Variants in PARP8 observed in about 807,000 individuals in gnomAD.
PARP8 encodes poly(ADP-ribose) polymerase family member 8.
A neutral mutation model predicts 124.1 loss-of-function variants in PARP8; 51 were observed. The ratio of observed to expected loss-of-function variants is 0.41; its 90% CI spans 0.33 to 0.52. PARP8 has a LOEUF of 0.52. PARP8 is among the 20% of genes least tolerant of loss of function. The pLI, the probability that PARP8 is intolerant of heterozygous loss-of-function variation, is 0.21. For synonymous variants in PARP8, 391 were observed against 361.5 expected (o/e 1.08, Z -0.93); for missense variants, 860 against 1,018.9 (o/e 0.84, Z 2.12).
chr5:50,817,245 A>G (rs1745203046), intron 15 of PARP8, among the ~76,000 whole-genome samples: 1 of 152,260 alleles, frequency 6.6e-6, no homozygotes, highest in Non-Finnish European at 1.5e-5. Flanking sequence ...CAAATTATAT[A>G]ATGATTGATA....
chr5:50,813,861 G>A (rs190171120), intron 14 of PARP8, among the ~76,000 whole-genome samples: 6 of 152,138 alleles, frequency 3.9e-5, no homozygotes, highest in East Asian at 3.9e-4. Context: ...ACAAATATAC[G>A]TATTTAGATG....
At chr5:50,765,250 G>A (rs368919355) in intron 7 of PARP8, among the ~76,000 whole-genome samples, 5 of 150,588 alleles carry the variant, frequency 3.3e-5, no homozygotes, top group African/African-American at 7.3e-5. Context: ...CAACAAGAGC[G>A]AAACTCCGTC....
chr5:50,841,475 A>T (rs1013006287), intron 25 of PARP8, among the ~76,000 whole-genome samples: 1 of 151,928 alleles, frequency 6.6e-6, no homozygotes, highest in Non-Finnish European at 1.5e-5. Context: ...GTGATAAGAA[A>T]AAAGGGCAGC....
chr5:50,778,525 G>T, intron 8 of PARP8, 35 bp from the exon 9 acceptor site: 10 of 1,465,564 alleles, frequency 6.8e-6, no homozygotes, highest in South Asian at 1.2e-5. Context: ...AACTCTAAAA[G>T]ATGATTAATT....
At chr5:50,761,287 A>C (rs1476232763) in intron 5 of PARP8, among the ~76,000 whole-genome samples, 1 of 152,110 alleles carries the variant, frequency 6.6e-6, no homozygotes, top group East Asian at 1.9e-4. Flanking sequence ...AAGCATATTA[A>C]ATTAAATACC....
At chr5:50,751,586 G>A (rs533352338) in intron 3 of PARP8, among the ~76,000 whole-genome samples, 7 of 152,168 alleles carry the variant, frequency 4.6e-5, no homozygotes, top group South Asian at 2.1e-4. Flanking sequence ...TGTCCAGTGC[G>A]CAGTATACCA....
At chr5:50,810,893 A>T (rs2149681480) in intron 14 of PARP8, among the ~76,000 whole-genome samples, 1 of 152,170 alleles carries the variant, frequency 6.6e-6, no homozygotes, top group Admixed American at 6.6e-5. Context: ...AATTAATCAC[A>T]TTATGACGTT....
chr5:50,733,947 T>G (rs962301332), intron 2 of PARP8, among the ~76,000 whole-genome samples: 2 of 152,204 alleles, frequency 1.3e-5, no homozygotes, highest in African/African-American at 4.8e-5. Context: ...AGTTGTCTTG[T>G]CTTATGTATA....
intron 2 of PARP8, among the ~76,000 whole-genome samples, chr5:50,676,835 G>C (rs971933311): frequency 6.6e-6 from 1 of 152,104 alleles, no homozygotes; most frequent in Non-Finnish European, 1.5e-5. Context: ...CACATTAGTC[G>C]GGAAGCAAAC....
intron 7 of PARP8, among the ~76,000 whole-genome samples, chr5:50,771,833 C>T (rs1032351724): frequency 9.2e-5 from 14 of 152,178 alleles, no homozygotes; most frequent in African/African-American, 3.1e-4. Flanking sequence ...AGCATATCCA[C>T]CACCACAAAC....
intron 21 of PARP8, among the ~76,000 whole-genome samples, chr5:50,828,990 A>G (rs1419468655): frequency 3.3e-5 from 5 of 152,196 alleles, no homozygotes; most frequent in Non-Finnish European, 7.3e-5. Flanking sequence ...AAACATTATC[A>G]TGCACAAAGT....
chr5:50,771,106 T>C (rs183563400), intron 7 of PARP8, among the ~76,000 whole-genome samples: 1 of 140,380 alleles, frequency 7.1e-6, no homozygotes, highest in African/African-American at 2.9e-5. Flanking sequence ...TCTCTCTCTA[T>C]ATATATATAT....
At chr5:50,763,298 T>G (rs1760742920) in intron 7 of PARP8, 56 bp downstream of exon 7, 1 of 1,390,034 alleles carries the variant, frequency 7.2e-7, no homozygotes, top group Non-Finnish European at 1.0e-6. Flanking sequence ...TCATTGAAAT[T>G]TACTTTTGGA....
Position 50,828,370 on chromosome 5 carries a change from A to G in PARP8, c.2149A>G (p.Asn717Asp). The G allele has an allele frequency of 1.9e-6, 3 of 1,612,858 alleles. No individual in the cohort carries two copies. The highest frequency in any genetic ancestry group is 1.1e-5 in the South Asian group (1 of 91,048). Residue 717 changes from asparagine (N) to aspartate (D), a missense_variant, in exon 21 of 26, where the codon AAT becomes GAT. Asn to Asp is a conservative substitution (Grantham distance 23). Transcript: ENST00000281631. ...GAGGAATGGTCTGGTTGTTGCTTCT[A>G]ATACACGATTGCAGGTAGATTTTCT... The part of the protein sequence containing the change: ...ILRNGLVVAS[N>D]TRLQLHGAMY...
chr5:50,789,073 G>C (rs1042116780), intron 10 of PARP8, among the ~76,000 whole-genome samples: 5 of 152,114 alleles, frequency 3.3e-5, no homozygotes. Context: ...ATTCCTTGGG[G>C]CCCAGAGGTG....
intron 14 of PARP8, among the ~76,000 whole-genome samples, chr5:50,804,757 A>T (rs1561406026): frequency 6.6e-6 from 1 of 152,178 alleles, no homozygotes; most frequent in Non-Finnish European, 1.5e-5. Flanking sequence ...TTTTTCAGAA[A>T]TAGAGGATTC....
At chr5:50,805,743 G>A (rs910841998) in intron 14 of PARP8, among the ~76,000 whole-genome samples, 2 of 151,966 alleles carry the variant, frequency 1.3e-5, no homozygotes, top group Non-Finnish European at 2.9e-5. Flanking sequence ...ACAATCATCT[G>A]TCAGATATTT....
At chr5:50,729,824 A>G (rs567145175) in intron 2 of PARP8, among the ~76,000 whole-genome samples, 5 of 152,160 alleles carry the variant, frequency 3.3e-5, no homozygotes, top group African/African-American at 1.2e-4. Flanking sequence ...AAAAATACTC[A>G]TTGGTTTTAA....
intron 25 of PARP8, among the ~76,000 whole-genome samples, chr5:50,838,919 C>A (rs962324155): frequency 6.6e-6 from 1 of 151,872 alleles, no homozygotes; most frequent in Non-Finnish European, 1.5e-5. Flanking sequence ...TCCCTGACCT[C>A]CCAGTCTGAA....
Sources: gnomAD v4.1 joint callset for allele counts (sites outside exome capture counted in the v4.1 genomes callset) on GRCh38, gnomAD v4.1.1 for gene constraint, MANE v1.5 for transcripts, NCBI Gene and HGNC (gene_info 2026-07-23, HGNC 2026-07-21) for gene names.